SERPINB10: variants seen among roughly 807,000 people sequenced by gnomAD.
SERPINB10 encodes the protein serpin family B member 10.
SERPINB10 carries 35 observed loss-of-function variants against 39.1 expected under a neutral mutation model. That is an observed-to-expected ratio of 0.90 (90% CI 0.68 to 1.19). SERPINB10 has a LOEUF of 1.19. SERPINB10 is among the 50% of genes most tolerant of loss of function. The pLI, the probability that SERPINB10 is intolerant of heterozygous loss-of-function variation, is 0.00. For synonymous variants in SERPINB10, 190 were observed against 158.1 expected (o/e 1.20, Z -1.52); for missense variants, 546 against 460.5 (o/e 1.19, Z -1.70).
intron 1 of SERPINB10, among the ~76,000 whole-genome samples, chr18:63,914,503 T>C (rs1467693677): frequency 6.6e-6 from 1 of 152,104 alleles, no homozygotes; most frequent in Non-Finnish European, 1.5e-5. Context: ...GAGAAATTAT[T>C]TTGCCATAAA....
chr18:63,926,938 T>C (rs2050185669), intron 5 of SERPINB10, among the ~76,000 whole-genome samples: 1 of 152,058 alleles, frequency 6.6e-6, no homozygotes, highest in Non-Finnish European at 1.5e-5. Context: ...TCTAATTGTT[T>C]ATTGTTAGAA....
intron 5 of SERPINB10, among the ~76,000 whole-genome samples, chr18:63,921,582 C>T (rs1261050487): frequency 6.6e-6 from 1 of 151,876 alleles, no homozygotes; most frequent in Non-Finnish European, 1.5e-5. Context: ...CAATAATTTG[C>T]CTCTAATCTT....
At position 63,930,103 on chromosome 18, in the gene SERPINB10, G is replaced by C. The variant is rs2050210980; in HGVS notation, c.549G>C (p.Leu183=). 1 of 1,613,542 alleles carries C rather than the reference G, an allele frequency of 6.2e-7. No homozygotes were observed. The highest frequency in any genetic ancestry group is 8.5e-7 in the Non-Finnish European group (1 of 1,179,682). ...DSVDSTTRMI[L]VNALYFKGIW... ...TGGATTCCACAACCAGGATGATTCT[G>C]GTGAACGCCCTATACTTTAAAGGAA... is the stretch of plus-strand genomic sequence containing the variant. Residue 183 remains leucine, a synonymous_variant, in exon 6 of 8, where the codon CTG becomes CTC. Transcript: ENST00000238508.
intron 7 of SERPINB10, among the ~76,000 whole-genome samples, chr18:63,933,755 C>T (rs1193618488): frequency 1.3e-5 from 2 of 152,162 alleles, no homozygotes; most frequent in South Asian, 2.1e-4. Context: ...TGTTTACCAG[C>T]TAAATTTCTA....
chr18:63,928,537 G>A (rs1699326251), intron 5 of SERPINB10, among the ~76,000 whole-genome samples: 1 of 152,038 alleles, frequency 6.6e-6, no homozygotes, highest in African/African-American at 2.4e-5. Context: ...GTTAATCAGA[G>A]CAGCTCACGG....
At chr18:63,910,909 A>G (rs2050059767) in intron 1 of SERPINB10, among the ~76,000 whole-genome samples, 1 of 151,946 alleles carries the variant, frequency 6.6e-6, no homozygotes, top group South Asian at 2.1e-4. Flanking sequence ...TCTAATTTAC[A>G]TTTCCATCAA....
intron 3 of SERPINB10, 62 bp downstream of exon 3, chr18:63,917,583 T>C (rs17072114): frequency 0.047 from 46,168 of 976,400 alleles, 4,210 homozygotes; most frequent in African/African-American, 0.3. Context: ...AGCACATGTA[T>C]TTTAGTGATA....
chr18:63,919,249 T>TTTTTTTTTC (rs1263989027), intron 4 of SERPINB10, among the ~76,000 whole-genome samples: 1 of 151,430 alleles, frequency 6.6e-6, no homozygotes, highest in African/African-American at 2.4e-5. Flanking sequence ...TTTTTTTTTT[T>TTTTTTTTTC]TGCCTCAGAA....
chr18:63,926,586 G>T (rs1007439192), intron 5 of SERPINB10, among the ~76,000 whole-genome samples: 1 of 151,854 alleles, frequency 6.6e-6, no homozygotes, highest in African/African-American at 2.4e-5. Context: ...AACCTAAACT[G>T]GGAATTCAGG....
Position 63,935,529 on chromosome 18 carries a change from A to C in SERPINB10, c.*287A>C. On this transcript the variant is annotated 3_prime_UTR_variant, in exon 8 of 8. Transcript: ENST00000238508. Reference sequence around the variant, plus strand: ...TCAACTGAATGCCTTACAATTCTTGATCACTTGCAATATCCATGATACTTG... The same window carrying C: ...TCAACTGAATGCCTTACAATTCTTGCTCACTTGCAATATCCATGATACTTG... The C allele has an allele frequency of 3.4e-6, 1 of 297,740 alleles. No homozygotes were observed. The highest frequency in any genetic ancestry group is 6.2e-6 in the Non-Finnish European group (1 of 162,112). The allele number at this position is 297,740 out of a possible 1,614,324, so 18.4% of individuals were successfully genotyped here.
chr18:63,916,846 C>T (rs544228729), intron 2 of SERPINB10, among the ~76,000 whole-genome samples: 2 of 152,082 alleles, frequency 1.3e-5, no homozygotes, highest in South Asian at 4.1e-4. Flanking sequence ...AAGCAGTATA[C>T]CGTATTTCTT....
At position 63,907,979 on chromosome 18, in the gene SERPINB10, T is replaced by G. The variant is rs17072065; in HGVS notation, c.-71T>G. On this transcript the variant is annotated 5_prime_UTR_variant, in exon 1 of 8. Transcript: ENST00000238508. ...CTTCAGTTGAAAGTTTCTCAACTCT[T>G]CAGCCACAATCTCTTACTACAGGAG... 0.022 allele frequency: 7,390 copies of G among 332,394 alleles called. 249 individuals carry two copies. The highest frequency in any genetic ancestry group is 0.17 in the East Asian group (1,319 of 7,914). 20.6% of individuals were successfully genotyped at this position (332,394 alleles called of 1,614,324 possible). A position where few individuals can be genotyped will look rare whatever the true frequency, so the allele number is the denominator to read the frequency against.
At chr18:63,911,617 T>C (rs1006028666) in intron 1 of SERPINB10, among the ~76,000 whole-genome samples, 1 of 152,106 alleles carries the variant, frequency 6.6e-6, no homozygotes. Context: ...AAGTTCTCTA[T>C]TCTGTTCCAT....
At chr18:63,927,560 C>T (rs1220983895) in intron 5 of SERPINB10, among the ~76,000 whole-genome samples, 1 of 152,052 alleles carries the variant, frequency 6.6e-6, no homozygotes, top group African/African-American at 2.4e-5. Context: ...CAAACAGGCT[C>T]CCTCAATCCC....
At chr18:63,919,967 G>C in intron 5 of SERPINB10, 62 bp downstream of exon 5, 1 of 1,009,836 alleles carries the variant, frequency 9.9e-7, no homozygotes, top group East Asian at 2.5e-5. Flanking sequence ...ATTTATTTTA[G>C]TTTGTGTCAT....
chr18:63,930,209 G>T, intron 6 of SERPINB10, 22 bp downstream of exon 6: 1 of 1,610,378 alleles, frequency 6.2e-7, no homozygotes, highest in Non-Finnish European at 8.5e-7. Context: ...TTAAAGATCA[G>T]TTTGGATTTT....
intron 5 of SERPINB10, among the ~76,000 whole-genome samples, chr18:63,920,434 C>G (rs976038): frequency 0.37 from 56,425 of 151,890 alleles, 13,978 homozygotes; most frequent in African/African-American, 0.7. Context: ...GGCATCCTGG[C>G]TTAGAGAGAG....
intron 4 of SERPINB10, 86 bp from the exon 5 acceptor site, chr18:63,919,702 C>A: frequency 1.1e-6 from 1 of 885,062 alleles, no homozygotes; most frequent in Non-Finnish European, 1.8e-6. Context: ...TGCCCGCCTA[C>A]CTAGTTCTTT....
intron 7 of SERPINB10, 85 bp downstream of exon 7, chr18:63,933,288 G>C (rs2050237680): frequency 1.4e-6 from 2 of 1,438,084 alleles, no homozygotes; most frequent in Non-Finnish European, 1.9e-6. Flanking sequence ...TCTCCCAATT[G>C]TCCTCAGGAA....
Sources: allele counts gnomAD v4.1 joint callset (sites outside exome capture counted in the v4.1 genomes callset), GRCh38; gene constraint gnomAD v4.1.1; transcripts MANE v1.5; gene names NCBI Gene and HGNC (gene_info 2026-07-23, HGNC 2026-07-21).